The following PDPR variants were observed in gnomAD, a reference collection of about 807,000 sequenced individuals.
PDPR encodes the protein pyruvate dehydrogenase phosphatase regulatory subunit, also known as pyruvate dehydrogenase phosphatase regulatory subunit, mitochondrial.
In PDPR, 50 loss-of-function variants were observed where a neutral mutation model predicts 102.2. The ratio of observed to expected loss-of-function variants is 0.49; its 90% CI spans 0.39 to 0.62. The LOEUF is 0.62. PDPR is among the 20% of genes least tolerant of loss of function. The pLI is 0.00. For synonymous variants in PDPR, 259 were observed against 406.0 expected (o/e 0.64, Z 4.35); for missense variants, 625 against 1,098.2 (o/e 0.57, Z 6.09).
rs559601523 is a variant in PDPR, at chr16:70,126,645, G to A, written c.228-615G>A. On this transcript the variant is annotated intron_variant, in intron 3 of 18. Coordinates refer to ENST00000288050, the MANE Select transcript of PDPR (RefSeq NM_017990.5). Reference sequence around the variant, plus strand: ...CCCAAAGTGCTGGGATTACAGGCGTGAGCCACCGCACTCAGCCTTTATTTT... The same window carrying A: ...CCCAAAGTGCTGGGATTACAGGCGTAAGCCACCGCACTCAGCCTTTATTTT... Among the ~76,000 whole-genome samples the A allele has an allele frequency of 2.1e-4, 32 of 152,380 alleles. No individual in the cohort carries two copies. In the South Asian group the frequency reaches 2.5e-3, roughly 12 times the overall value.
At chr16:70,121,117 G>A (rs188671769) in intron 3 of PDPR, among the ~76,000 whole-genome samples, 5 of 151,910 alleles carry the variant, frequency 3.3e-5, no homozygotes, top group African/African-American at 7.2e-5. Context: ...AAAAATTTGC[G>A]TTTGTAAATA....
chr16:70,155,140 C>T (rs981850536), intron 18 of PDPR, among the ~76,000 whole-genome samples: 38 of 152,046 alleles, frequency 2.5e-4, no homozygotes, highest in Non-Finnish European at 3.7e-4. Flanking sequence ...TGCAGTGAGC[C>T]GAGATCATAC....
rs548817558 is a variant in PDPR at position 70,126,748 on chromosome 16, A to G, written c.228-512A>G. On this transcript the variant is annotated intron_variant, in intron 3 of 18. Transcript: ENST00000288050. Reference sequence around the variant, plus strand: ...GCTATGTTGCCCAGGCCAGTCTTGAACTCCTGGCCTCCAGTGAACCTGCTA... The same window carrying G: ...GCTATGTTGCCCAGGCCAGTCTTGAGCTCCTGGCCTCCAGTGAACCTGCTA... Among the ~76,000 whole-genome samples the G allele has an allele frequency of 1.3e-4, 20 of 151,982 alleles. No individual in the cohort carries two copies. In the South Asian group the frequency reaches 3.5e-3, roughly 27 times the overall value.
rs1254476220 is a variant in PDPR, at chr16:70,160,990, T to G, written c.*4111T>G. The G allele has an allele frequency of 6.6e-6, 1 of 152,606 alleles. No homozygotes were observed. The highest frequency in any genetic ancestry group is 2.4e-5 in the African/African-American group (1 of 41,488). 9.5% of individuals were successfully genotyped at this position (152,606 alleles called of 1,614,324 possible). ...TGGCCCACAGTCTCCATATTGGCACTAGAAGACTGGCCTGGCGGAGGAATT... is the reference window on the plus strand; with the variant it reads ...TGGCCCACAGTCTCCATATTGGCACGAGAAGACTGGCCTGGCGGAGGAATT... On this transcript the variant is annotated 3_prime_UTR_variant, in exon 19 of 19. Coordinates refer to ENST00000288050, the MANE Select transcript of PDPR (RefSeq NM_017990.5).
At chr16:70,124,054 CAAA>C (rs11428362) in intron 3 of PDPR, among the ~76,000 whole-genome samples, 3 of 143,274 alleles carry the variant, frequency 2.1e-5, no homozygotes, top group Non-Finnish European at 3.0e-5. Context: ...GACTCAGTCT[CAAA>C]AAAAAAAAAA....
rs1176291871 is a variant in PDPR, at chr16:70,136,223, A to T, written c.1027A>T (p.Met343Leu). 1.2e-6 allele frequency: 2 copies of T among 1,606,448 alleles called. No homozygotes were observed. Among genetic ancestry groups the T allele is most frequent in the African/African-American group, 2.7e-5 (2 of 74,862 alleles). Residue 343 changes from methionine (M) to leucine (L), a missense_variant, in exon 10 of 19, where the codon ATG becomes TTG. This residue lies in a region of PDPR where 50 missense variants were observed against 79.9 expected (regional missense o/e 0.63). Coordinates refer to ENST00000288050, the MANE Select transcript of PDPR (RefSeq NM_017990.5). The part of the protein sequence containing the change: ...EPLLSSLLRR[M>L]PELETLEIMK... ...TCTGTTGAGTTCCCTTCTGAGGAGG[A>T]TGCCAGAATTAGAGACTCTGGAGAT...
chr16:70,154,486 C>CA (rs554295050), intron 18 of PDPR, among the ~76,000 whole-genome samples: 2 of 152,254 alleles, frequency 1.3e-5, no homozygotes, highest in African/African-American at 2.4e-5. Context: ...GAAAAACAAA[C>CA]AAAAAAACCC....
intron 17 of PDPR, among the ~76,000 whole-genome samples, chr16:70,149,249 T>G (rs547211292): frequency 2.3e-4 from 34 of 149,416 alleles, no homozygotes; most frequent in African/African-American, 7.8e-4. Context: ...TCATCCTGTT[T>G]TTTTTTTTTT....
intron 3 of PDPR, among the ~76,000 whole-genome samples, chr16:70,126,499 G>A (rs1204048724): frequency 6.6e-6 from 1 of 152,244 alleles, no homozygotes; most frequent in Non-Finnish European, 1.5e-5. Flanking sequence ...GAGTAGCTGG[G>A]ACTACAGGCG....
rs1967580056 is a variant in PDPR, at chr16:70,159,535, A to G, written c.*2656A>G. 2 of 152,740 alleles carry G rather than the reference A, an allele frequency of 1.3e-5. No homozygotes were observed. Among genetic ancestry groups the G allele is most frequent in the Admixed American group, 6.5e-5 (1 of 15,294 alleles). The allele number at this position is 152,740 out of a possible 1,614,324, so 9.5% of individuals were successfully genotyped here. ...TTGAAGTCTCTCCTGGTTCATTCAA[A>G]TACAAGCTGTGTGAGTCTGGTGGTT... is the stretch of plus-strand genomic sequence containing the variant. On this transcript the variant is annotated 3_prime_UTR_variant, in exon 19 of 19. Coordinates refer to ENST00000288050, the MANE Select transcript of PDPR (RefSeq NM_017990.5).
At chr16:70,153,108 T>C (rs1357676804) in intron 17 of PDPR, among the ~76,000 whole-genome samples, 1 of 152,274 alleles carries the variant, frequency 6.6e-6, no homozygotes, top group African/African-American at 2.4e-5. Flanking sequence ...TTCTATAAAT[T>C]ATTATTTAAG....
At chr16:70,163,159 G>C (rs1453563955), downstream of PDPR, among the ~76,000 whole-genome samples, 22 of 152,362 alleles carry the variant, frequency 1.4e-4, no homozygotes, top group Non-Finnish European at 2.6e-4. Flanking sequence ...GGTTGGCCAG[G>C]CTGGTCTCAA....
At chr16:70,155,192 C>CAA (rs200366472) in intron 18 of PDPR, among the ~76,000 whole-genome samples, 1 of 146,026 alleles carries the variant, frequency 6.8e-6, no homozygotes, top group African/African-American at 2.6e-5. Context: ...GCTCCATCTC[C>CAA]AAAAAAAAAA....
chr16:70,136,890 G>A (rs1965198216), intron 10 of PDPR, among the ~76,000 whole-genome samples: 1 of 152,206 alleles, frequency 6.6e-6, no homozygotes, highest in Non-Finnish European at 1.5e-5. Flanking sequence ...TTAGAGGTGT[G>A]TGCCAAGACA....
chr16:70,152,311 G>A (rs1335273935), intron 17 of PDPR, among the ~76,000 whole-genome samples: 1 of 152,278 alleles, frequency 6.6e-6, no homozygotes, highest in Admixed American at 6.5e-5. Context: ...CTGAGGTCAG[G>A]AGTTCGAGAG....
At chr16:70,115,845 T>G (rs1962584025) in intron 2 of PDPR, among the ~76,000 whole-genome samples, 1 of 152,138 alleles carries the variant, frequency 6.6e-6, no homozygotes, top group South Asian at 2.1e-4. Flanking sequence ...TGTGCTTCAT[T>G]TCTGTCTTTG....
chr16:70,127,394 G>C lies in PDPR; in HGVS notation c.361+1G>C. On this transcript the variant is annotated splice_donor_variant, in intron 4 of 18. Coordinates refer to ENST00000288050, the MANE Select transcript of PDPR (RefSeq NM_017990.5). LOFTEE classifies it high-confidence loss of function. ...GAGCAAGAAACAGGGATCCAAACAG[G>C]TAAGCAAGTGTCTTCCATTTATTGC... The C allele has an allele frequency of 6.2e-6, 10 of 1,607,040 alleles. No homozygotes were observed. The highest frequency in any genetic ancestry group is 8.5e-6 in the Non-Finnish European group (10 of 1,177,586).
chr16:70,131,934 C>T, intron 8 of PDPR: 13 of 1,490,512 alleles, frequency 8.7e-6, no homozygotes, highest in Non-Finnish European at 1.1e-5. Context: ...ATCAGAGAAA[C>T]AGTCTCCACT....
chr16:70,151,096 G>A (rs986226589), intron 17 of PDPR, among the ~76,000 whole-genome samples: 4 of 152,228 alleles, frequency 2.6e-5, no homozygotes, highest in Non-Finnish European at 4.4e-5. Context: ...CACCACACTC[G>A]GCTAATTTTT....
Sources: gnomAD v4.1 joint callset for allele counts (sites outside exome capture counted in the v4.1 genomes callset) on GRCh38, gnomAD v4.1.1 for gene constraint, gnomAD v4.1.1 regional missense constraint, MANE v1.5 for transcripts, NCBI Gene and HGNC (gene_info 2026-07-23, HGNC 2026-07-21) for gene names.